The following VPS13B variants were observed in gnomAD, a reference collection of about 807,000 sequenced individuals.
VPS13B encodes the protein intermembrane lipid transfer protein VPS13B.
A neutral mutation model predicts 426.4 loss-of-function variants in VPS13B; 285 were observed. That is an observed-to-expected ratio of 0.67 (90% CI 0.61 to 0.74). The LOEUF (loss-of-function observed/expected upper bound fraction) is 0.74, where lower values mean the gene tolerates loss of function less well. VPS13B is among the 30% of genes least tolerant of loss of function. VPS13B has a pLI of 0.00. For missense variants in VPS13B, 4,537 were observed against 4,782.6 expected (o/e 0.95, Z 1.51); for synonymous variants, 1,676 against 1,676.4 (o/e 1.00, Z 0.01).
At chr8:99,606,509 A>G (rs983767628) in intron 33 of VPS13B, among the ~76,000 whole-genome samples, 2 of 151,146 alleles carry the variant, frequency 1.3e-5, no homozygotes, top group Admixed American at 6.6e-5. Flanking sequence ...AAAAAAAAAA[A>G]AAAAAGAAAA....
intron 35 of VPS13B, among the ~76,000 whole-genome samples, chr8:99,669,858 T>C (rs866018900): frequency 6.6e-6 from 1 of 152,260 alleles, no homozygotes; most frequent in Middle Eastern, 3.4e-3. Flanking sequence ...TGGATTAATG[T>C]AACTATTTTA....
chr8:99,031,897 A>G (rs1200205896), intron 2 of VPS13B, among the ~76,000 whole-genome samples: 1 of 152,246 alleles, frequency 6.6e-6, no homozygotes. Flanking sequence ...TCATTCTCCA[A>G]ATGATATAGT....
intron 16 of VPS13B, among the ~76,000 whole-genome samples, chr8:99,174,527 G>A (rs928749021): frequency 5.9e-5 from 9 of 151,966 alleles, no homozygotes; most frequent in Non-Finnish European, 1.3e-4. Flanking sequence ...ATCTCATTGT[G>A]GTTTTAATTT....
At chr8:99,631,941 G>A (rs1193939505) in intron 33 of VPS13B, among the ~76,000 whole-genome samples, 1 of 151,792 alleles carries the variant, frequency 6.6e-6, no homozygotes, top group Non-Finnish European at 1.5e-5. Context: ...AGAAGCTTGG[G>A]AAATATTTTA....
At chr8:99,423,727 T>C (rs1816513914) in intron 21 of VPS13B, among the ~76,000 whole-genome samples, 1 of 152,186 alleles carries the variant, frequency 6.6e-6, no homozygotes, top group Non-Finnish European at 1.5e-5. Context: ...GTTTCCAGTA[T>C]AACAGATGAA....
chr8:99,283,086 A>T (rs1819253244), intron 19 of VPS13B, among the ~76,000 whole-genome samples: 1 of 152,218 alleles, frequency 6.6e-6, no homozygotes, highest in Admixed American at 6.5e-5. Flanking sequence ...AGGAGTTTTA[A>T]AAATGGAGAC....
At chr8:99,455,327 G>T (rs960843533) in intron 23 of VPS13B, among the ~76,000 whole-genome samples, 1 of 152,052 alleles carries the variant, frequency 6.6e-6, no homozygotes, top group Non-Finnish European at 1.5e-5. Flanking sequence ...GGTTTAATTT[G>T]CTCACAGTTC....
intron 19 of VPS13B, among the ~76,000 whole-genome samples, chr8:99,326,715 A>G (rs2133143807): frequency 6.6e-6 from 1 of 151,926 alleles, no homozygotes; most frequent in East Asian, 1.9e-4. Flanking sequence ...GCATATTAAT[A>G]AATTTCATGT....
chr8:99,622,700 C>T lies in VPS13B; in HGVS notation c.5221-19111C>T, dbSNP rs148546957. Reference sequence around the variant, plus strand: ...AATGGAACTCCTGATTTTTCCCTTTCTCCAATCCTACCGCATCCATAGTCT... The same window carrying T: ...AATGGAACTCCTGATTTTTCCCTTTTTCCAATCCTACCGCATCCATAGTCT... On this transcript the variant is annotated intron_variant, in intron 33 of 61. Coordinates refer to ENST00000357162, the MANE Select transcript of VPS13B (RefSeq NM_152564.5). 5.0e-4 allele frequency among the ~76,000 whole-genome samples: 76 copies of T among 152,242 alleles called. 1 individual carries two copies. The highest frequency in any genetic ancestry group is 3.9e-3 in the South Asian group (19 of 4,822).
intron 36 of VPS13B, among the ~76,000 whole-genome samples, chr8:99,708,271 G>A (rs1308407523): frequency 6.6e-6 from 1 of 152,046 alleles, no homozygotes; most frequent in African/African-American, 2.4e-5. Context: ...GCAGATTGGA[G>A]GGGAAGAAAG....
intron 3 of VPS13B, among the ~76,000 whole-genome samples, chr8:99,047,877 G>A (rs796077992): frequency 4.6e-5 from 7 of 152,010 alleles, no homozygotes; most frequent in African/African-American, 1.2e-4. Context: ...TAGTAGAGAC[G>A]TGGTTTCATC....
intron 19 of VPS13B, among the ~76,000 whole-genome samples, chr8:99,359,614 T>A (rs940542320): frequency 1.3e-5 from 2 of 152,250 alleles, no homozygotes; most frequent in Non-Finnish European, 2.9e-5. Flanking sequence ...CAAAGTTTAC[T>A]ATGTTAGTCC....
At chr8:99,413,061 T>C (rs1237968935) in intron 21 of VPS13B, among the ~76,000 whole-genome samples, 1 of 152,240 alleles carries the variant, frequency 6.6e-6, no homozygotes, top group Non-Finnish European at 1.5e-5. Flanking sequence ...ATCAGGAAGA[T>C]GCTGGCCTCA....
At chr8:99,249,850 A>C (rs890909155) in intron 17 of VPS13B, among the ~76,000 whole-genome samples, 3 of 152,074 alleles carry the variant, frequency 2.0e-5, no homozygotes, top group Non-Finnish European at 4.4e-5. Context: ...CCGAGGCTGC[A>C]GTGAGCTATT....
chr8:99,606,109 T>G (rs1827562194), intron 33 of VPS13B, among the ~76,000 whole-genome samples: 1 of 152,158 alleles, frequency 6.6e-6, no homozygotes, highest in African/African-American at 2.4e-5. Context: ...TTTGCCATGT[T>G]GCCCAGGCTG....
intron 30 of VPS13B, among the ~76,000 whole-genome samples, chr8:99,553,014 G>C (rs560271835): frequency 6.6e-6 from 1 of 152,088 alleles, no homozygotes; most frequent in Admixed American, 6.6e-5. Context: ...TTCACTACTG[G>C]TGACCCTTCG....
At chr8:99,300,449 A>G (rs1289920871) in intron 19 of VPS13B, among the ~76,000 whole-genome samples, 1 of 152,222 alleles carries the variant, frequency 6.6e-6, no homozygotes, top group Non-Finnish European at 1.5e-5. Context: ...ACATGGTAAC[A>G]TTGGTATGTT....
chr8:99,508,522 G>A (rs943918019), intron 28 of VPS13B, among the ~76,000 whole-genome samples: 5 of 152,058 alleles, frequency 3.3e-5, no homozygotes, highest in African/African-American at 1.2e-4. Flanking sequence ...TGCATAGCAA[G>A]TGTTATGTTC....
At position 99,467,659 on chromosome 8, in the gene VPS13B, G is replaced by A. The variant is rs529927677; in HGVS notation, c.3666+25G>A. 3.8e-6 allele frequency: 6 copies of A among 1,599,270 alleles called. No homozygotes were observed. In the South Asian group the frequency reaches 4.4e-5, roughly 12 times the overall value. ...GGTTGGTACATTTGATTTATGAAAG[G>A]AAATTTAAAGTAATGTGATTTAAAA... On this transcript the variant is annotated intron_variant, in intron 24 of 61. Transcript: ENST00000357162.
Sources: allele counts gnomAD v4.1 joint callset (sites outside exome capture counted in the v4.1 genomes callset), GRCh38; gene constraint gnomAD v4.1.1; transcripts MANE v1.5; gene names NCBI Gene and HGNC (gene_info 2026-07-23, HGNC 2026-07-21).